The following EML5 variants were observed in gnomAD, a reference collection of about 807,000 sequenced individuals.
EML5 encodes the protein EMAP like 5.
EML5 carries 120 observed loss-of-function variants against 250.0 expected under a neutral mutation model. That is an observed-to-expected ratio of 0.48 (90% CI 0.41 to 0.56). The LOEUF is 0.56. Among genes scored for constraint, EML5 ranks in the 20% least tolerant of loss-of-function variants. The pLI is 0.00. For synonymous variants in EML5, 771 were observed against 806.5 expected (o/e 0.96, Z 0.75); for missense variants, 2,006 against 2,437.6 (o/e 0.82, Z 3.73).
intron 2 of EML5, among the ~76,000 whole-genome samples, chr14:88,749,886 G>GA (rs2094065642): frequency 1.3e-5 from 2 of 152,106 alleles, no homozygotes; most frequent in African/African-American, 4.8e-5. Flanking sequence ...AAAAATGTGA[G>GA]GAAAAACCCA....
chr14:88,662,708 A>T (rs1369399513), intron 24 of EML5, among the ~76,000 whole-genome samples: 1 of 151,708 alleles, frequency 6.6e-6, no homozygotes, highest in Non-Finnish European at 1.5e-5. Context: ...ATGCCCAGCT[A>T]ATTTTTTGTA....
chr14:88,655,422 G>A (rs559562406), intron 27 of EML5, among the ~76,000 whole-genome samples: 15 of 152,112 alleles, frequency 9.9e-5, no homozygotes, highest in South Asian at 4.2e-4. Flanking sequence ...CTAGCTACCC[G>A]TATGTAGAAA....
chr14:88,788,985 C>T (rs918673414), intron 1 of EML5, among the ~76,000 whole-genome samples: 10 of 151,458 alleles, frequency 6.6e-5, no homozygotes, highest in Admixed American at 3.9e-4. Context: ...ATCACCTGAG[C>T]CCAAGATTTC....
At chr14:88,779,841 T>A (rs964474854) in intron 1 of EML5, among the ~76,000 whole-genome samples, 1 of 152,236 alleles carries the variant, frequency 6.6e-6, no homozygotes, top group African/African-American at 2.4e-5. Context: ...GCATATATGA[T>A]ACATTGTGAG....
chr14:88,792,617 C>T lies in EML5; in HGVS notation c.-114G>A, dbSNP rs931661325. On this transcript the variant is annotated 5_prime_UTR_variant, in exon 1 of 44. Coordinates refer to ENST00000554922, the MANE Select transcript of EML5 (RefSeq NM_183387.3). This position sits in a 1 kb window ranked among gnomAD's most constrained non-coding sequence, Gnocchi z 6.9. ...TGCCGGGACTTCCCGCCAGCCGCGT[C>T]CTCTAAGCCGCGCCCGTCAGGTGCA... 1.2e-4 allele frequency: 138 copies of T among 1,176,742 alleles called. No individual in the cohort carries two copies. In the African/African-American group the frequency reaches 1.9e-3, roughly 16 times the overall value. 72.9% of individuals were successfully genotyped at this position (1,176,742 alleles called of 1,614,324 possible).
intron 21 of EML5, among the ~76,000 whole-genome samples, chr14:88,668,927 C>A (rs2092382321): frequency 6.6e-6 from 1 of 151,840 alleles, no homozygotes. Flanking sequence ...GAGGCTCCCA[C>A]CAAGAAGACC....
chr14:88,783,647 A>G (rs1431631966), intron 1 of EML5, among the ~76,000 whole-genome samples: 1 of 152,200 alleles, frequency 6.6e-6, no homozygotes, highest in African/African-American at 2.4e-5. Context: ...CCAACACTAG[A>G]GCACTTAGAT....
intron 8 of EML5, 93 bp from the exon 9 acceptor site, chr14:88,715,288 T>A (rs2093473620): frequency 8.0e-7 from 1 of 1,257,414 alleles, no homozygotes; most frequent in Admixed American, 2.8e-5. Context: ...TGAAGCTGTA[T>A]CAAGTGTTTA....
At chr14:88,641,553 CAG>C (rs1383074495) in intron 31 of EML5, among the ~76,000 whole-genome samples, 1 of 152,074 alleles carries the variant, frequency 6.6e-6, no homozygotes, top group African/African-American at 2.4e-5. Flanking sequence ...ACCATATAAA[CAG>C]AATTAAAAAC....
chr14:88,685,271 T>C, intron 19 of EML5, 129 bp from the exon 20 acceptor site: 1 of 697,358 alleles, frequency 1.4e-6, no homozygotes. Flanking sequence ...TTTTAAGTAT[T>C]CTAATAAATG....
chr14:88,645,993 T>C (rs557168277), intron 29 of EML5, among the ~76,000 whole-genome samples: 1 of 152,314 alleles, frequency 6.6e-6, no homozygotes, highest in East Asian at 1.9e-4. Flanking sequence ...AGTTTATTAT[T>C]TTTATCTCAA....
rs763534041 is a variant in EML5 at position 88,712,307 on chromosome 14, T to A, written c.1621A>T (p.Ile541Phe). 2.4e-5 allele frequency: 39 copies of A among 1,611,988 alleles called. No individual in the cohort carries two copies. The highest frequency in any genetic ancestry group is 3.1e-5 in the Non-Finnish European group (37 of 1,179,048). The change falls in exon 10 of 44, where the codon ATT (isoleucine) becomes TTT (phenylalanine). Residue 541 changes from isoleucine (I) to phenylalanine (F), a missense_variant. Physicochemically the swap from Ile to Phe is conservative, Grantham distance 21 (BLOSUM62 0). Around this residue, in one of 7 missense-constraint regions of EML5, gnomAD observed 1,375 missense variants for 1,590.3 expected, o/e 0.86. Coordinates refer to ENST00000554922, the MANE Select transcript of EML5 (RefSeq NM_183387.3). ...CATGGATATCGGAATAATTTTATAA[T>A]TCCATAGTCATCAGCTGTAACTAAA... ...QVLVTADDYG[I>F]IKLFRYPCLR...
chr14:88,657,801 G>T (rs1383336355), intron 26 of EML5, among the ~76,000 whole-genome samples: 1 of 152,032 alleles, frequency 6.6e-6, no homozygotes, highest in Non-Finnish European at 1.5e-5. Flanking sequence ...ATTAGAAGAG[G>T]TGTTACCTCT....
chr14:88,658,710 C>G (rs1309507625), intron 25 of EML5, among the ~76,000 whole-genome samples: 1 of 151,986 alleles, frequency 6.6e-6, no homozygotes, highest in Non-Finnish European at 1.5e-5. Context: ...GGGATCTATG[C>G]TAAGAAATGC....
At chr14:88,747,997 CAAAT>C (rs1489639614) in intron 2 of EML5, among the ~76,000 whole-genome samples, 4 of 151,616 alleles carry the variant, frequency 2.6e-5, no homozygotes, top group African/African-American at 9.7e-5. Context: ...GAGGGGAAAA[CAAAT>C]AAATTAAGTC....
intron 21 of EML5, among the ~76,000 whole-genome samples, chr14:88,681,365 C>T (rs5016580): frequency 0.18 from 26,647 of 152,174 alleles, 2,883 homozygotes; most frequent in East Asian, 0.47. Context: ...GATCCCACCA[C>T]TTTGGCAGGC....
At chr14:88,677,650 A>G (rs918210163) in intron 21 of EML5, among the ~76,000 whole-genome samples, 21 of 152,188 alleles carry the variant, frequency 1.4e-4, no homozygotes, top group African/African-American at 4.8e-4. Flanking sequence ...TAAGCAGACA[A>G]TTCTCAAAAG....
In EML5 at chr14:88,687,321, CA is replaced by C; in HGVS notation, c.2748del (p.Phe916LeufsTer2). ...VFSMHALEKG[F>X]VTGGKDGIVA... ...ACTATACCATCTTTTCCTCCAGTTACAAACCCCTATGGAAAAAAAAAGGTTC... is the reference window on the plus strand; with the variant it reads ...ACTATACCATCTTTTCCTCCAGTTACAACCCCTATGGAAAAAAAAAGGTTC... On this transcript the variant is annotated frameshift_variant, in exon 19 of 44. Coordinates refer to ENST00000554922, the MANE Select transcript of EML5 (RefSeq NM_183387.3). LOFTEE classifies it high-confidence loss of function. 6.3e-7 allele frequency: 1 copy of C among 1,599,072 alleles called. No homozygotes were observed. The highest frequency in any genetic ancestry group is 1.2e-5 in the South Asian group (1 of 86,930).
chr14:88,775,915 G>T (rs1165251647), intron 1 of EML5, among the ~76,000 whole-genome samples: 2 of 152,238 alleles, frequency 1.3e-5, no homozygotes, highest in Non-Finnish European at 2.9e-5. Context: ...AAGAGAGAGA[G>T]AGAGAGAGAC....
Sources: gnomAD v4.1 joint callset for allele counts (sites outside exome capture counted in the v4.1 genomes callset) on GRCh38, gnomAD v4.1.1 for gene constraint, gnomAD v4.1.1 regional missense constraint, Gnocchi (gnomAD v3.1) non-coding constraint, MANE v1.5 for transcripts, NCBI Gene and HGNC (gene_info 2026-07-23, HGNC 2026-07-21) for gene names.